Variants in SYNPR observed in about 807,000 individuals in gnomAD.
SYNPR encodes synaptoporin.
SYNPR carries 23 observed loss-of-function variants against 32.9 expected under a neutral mutation model. The observed-to-expected ratio is 0.70, with a 90% CI of 0.50 to 0.99. The LOEUF (loss-of-function observed/expected upper bound fraction) is 0.99. SYNPR is among the 50% of genes least tolerant of loss of function. The pLI is 0.00. For synonymous variants in SYNPR, 146 were observed against 135.9 expected (o/e 1.07, Z -0.52); for missense variants, 318 against 349.3 (o/e 0.91, Z 0.71).
At chr3:63,614,974 T>C (rs571713301) in intron 5 of SYNPR, among the ~76,000 whole-genome samples, 3 of 152,290 alleles carry the variant, frequency 2.0e-5, no homozygotes, top group African/African-American at 7.2e-5. Flanking sequence ...TAGCAACTTT[T>C]TCCTAGACTG....
At chr3:63,420,870 G>A (rs1284473554) in intron 2 of SYNPR, among the ~76,000 whole-genome samples, 2 of 152,084 alleles carry the variant, frequency 1.3e-5, no homozygotes, top group East Asian at 1.9e-4. Context: ...ATACTAAGAA[G>A]CAATTTTTTA....
intron 2 of SYNPR, among the ~76,000 whole-genome samples, chr3:63,421,989 G>A (rs1217046724): frequency 1.3e-5 from 2 of 152,180 alleles, no homozygotes; most frequent in East Asian, 1.9e-4. Context: ...CCTCTCTTTT[G>A]ATTAACTTAA....
chr3:63,486,256 GT>G (rs1290423086), intron 3 of SYNPR, among the ~76,000 whole-genome samples: 1 of 152,144 alleles, frequency 6.6e-6, no homozygotes, highest in African/African-American at 2.4e-5. Context: ...GCTGGAACCT[GT>G]TTGGTCTATA....
At chr3:63,379,403 T>C (rs527447684) in intron 2 of SYNPR, among the ~76,000 whole-genome samples, 1 of 152,298 alleles carries the variant, frequency 6.6e-6, no homozygotes, top group South Asian at 2.1e-4. Flanking sequence ...TCATCAATTA[T>C]TGGAAGGAGG....
At chr3:63,415,746 C>G (rs925049011) in intron 2 of SYNPR, among the ~76,000 whole-genome samples, 1 of 152,206 alleles carries the variant, frequency 6.6e-6, no homozygotes, top group African/African-American at 2.4e-5. Context: ...TGCAAGCGTC[C>G]TTCTAATCAA....
intron 2 of SYNPR, among the ~76,000 whole-genome samples, chr3:63,473,271 C>T (rs545232420): frequency 1.3e-5 from 2 of 152,210 alleles, no homozygotes; most frequent in South Asian, 4.1e-4. Flanking sequence ...CCACATATTC[C>T]CCTAACGTGC....
At chr3:63,542,364 CT>C (rs1702320723) in intron 3 of SYNPR, among the ~76,000 whole-genome samples, 1 of 152,094 alleles carries the variant, frequency 6.6e-6, no homozygotes, top group Non-Finnish European at 1.5e-5. Flanking sequence ...CAGATGCCCC[CT>C]TCGTTGGGGA....
At chr3:63,248,676 A>C (rs1560167846) in intron 1 of SYNPR, among the ~76,000 whole-genome samples, 1 of 152,138 alleles carries the variant, frequency 6.6e-6, no homozygotes, top group Non-Finnish European at 1.5e-5. Flanking sequence ...TGTTTGAGAC[A>C]GTGACAACAT....
intron 2 of SYNPR, among the ~76,000 whole-genome samples, chr3:63,390,006 T>C (rs1029450561): frequency 1.3e-5 from 2 of 152,226 alleles, no homozygotes; most frequent in East Asian, 3.8e-4. Flanking sequence ...ATTAATTCAC[T>C]TCAGTTAGAA....
rs115255590 is a variant in SYNPR at position 63,318,686 on chromosome 3, G to A, written c.84+39944G>A. On this transcript the variant is annotated intron_variant, in intron 2 of 5. Transcript: ENST00000478300. The stretch of plus-strand genomic sequence containing the variant: ...TTGTATCATTTTTTTGGATTTCTTT[G>A]CATTGGGCTTTGCCTTTCTCTAGTC... 6.1e-3 allele frequency among the ~76,000 whole-genome samples: 920 copies of A among 151,910 alleles called. 13 individuals carry two copies. Among genetic ancestry groups the A allele is most frequent in the African/African-American group, 0.02 (824 of 41,464 alleles).
At chr3:63,466,743 A>G (rs567411006) in intron 2 of SYNPR, among the ~76,000 whole-genome samples, 1 of 152,206 alleles carries the variant, frequency 6.6e-6, no homozygotes, top group South Asian at 2.1e-4. Flanking sequence ...GCCTGTGGAG[A>G]GGGACAGAGA....
At chr3:63,281,607 G>C (rs180832995) in intron 2 of SYNPR, among the ~76,000 whole-genome samples, 75 of 152,038 alleles carry the variant, frequency 4.9e-4, no homozygotes, top group Non-Finnish European at 1.5e-4. Context: ...CTCTGATCTC[G>C]TCTGTCCCTT....
intron 4 of SYNPR, among the ~76,000 whole-genome samples, chr3:63,574,318 C>T (rs766139049): frequency 3.3e-5 from 5 of 152,142 alleles, no homozygotes; most frequent in South Asian, 2.1e-4. Context: ...TGACAGGTAG[C>T]GTGATTACTA....
At chr3:63,376,765 CT>C (rs776112892) in intron 2 of SYNPR, among the ~76,000 whole-genome samples, 47 of 152,174 alleles carry the variant, frequency 3.1e-4, no homozygotes, top group Middle Eastern at 6.8e-3. Flanking sequence ...GGAGTAGCCC[CT>C]GTCTCTATCA....
At chr3:63,241,445 G>A (rs952052374) in intron 1 of SYNPR, among the ~76,000 whole-genome samples, 2 of 152,032 alleles carry the variant, frequency 1.3e-5, no homozygotes, top group Non-Finnish European at 2.9e-5. Context: ...TGCCATTTAT[G>A]GTAATTCTAT....
chr3:63,433,311 C>G (rs1321200996), intron 2 of SYNPR, among the ~76,000 whole-genome samples: 1 of 152,154 alleles, frequency 6.6e-6, no homozygotes, highest in African/African-American at 2.4e-5. Context: ...TTCAGACTGA[C>G]TCTCTTAATT....
intron 2 of SYNPR, among the ~76,000 whole-genome samples, chr3:63,302,188 T>TA (rs750549111): frequency 2.6e-5 from 4 of 152,096 alleles, no homozygotes; most frequent in South Asian, 4.1e-4. Flanking sequence ...ACTTTTAATT[T>TA]AAAAAAATGT....
At chr3:63,595,077 G>A (rs1419599968) in intron 4 of SYNPR, among the ~76,000 whole-genome samples, 1 of 152,150 alleles carries the variant, frequency 6.6e-6, no homozygotes, top group Non-Finnish European at 1.5e-5. Context: ...GCAATTCAGA[G>A]GCACTTTTCC....
intron 2 of SYNPR, among the ~76,000 whole-genome samples, chr3:63,261,525 A>G (rs1164385161): frequency 7.4e-6 from 1 of 135,138 alleles, no homozygotes; most frequent in East Asian, 2.2e-4. Context: ...ATGAGAACAC[A>G]TGGACACAGG....
Sources: allele counts gnomAD v4.1 joint callset (sites outside exome capture counted in the v4.1 genomes callset), GRCh38; gene constraint gnomAD v4.1.1; transcripts MANE v1.5; gene names NCBI Gene and HGNC (gene_info 2026-07-23, HGNC 2026-07-21).